LRPPRC: variants seen among roughly 807,000 people sequenced by gnomAD.
The protein encoded by LRPPRC is leucine-rich PPR motif-containing protein, mitochondrial.
Under a neutral mutation model 180.3 loss-of-function variants are expected in LRPPRC, and 120 were observed. The observed-to-expected ratio is 0.67, with a 90% CI of 0.57 to 0.77. The LOEUF is 0.77. LRPPRC is among the 30% of genes least tolerant of loss of function. The pLI, the probability that LRPPRC is intolerant of heterozygous loss-of-function variation, is 0.00. For missense variants in LRPPRC, 2,012 were observed against 1,657.2 expected (o/e 1.21, Z -3.72); for synonymous variants, 723 against 600.0 (o/e 1.21, Z -3.00).
At position 43,948,217 on chromosome 2, in the gene LRPPRC, A is replaced by C; in HGVS notation, c.1843-18T>G. 2 of 1,423,338 alleles carry C rather than the reference A, an allele frequency of 1.4e-6. No individual in the cohort carries two copies. The highest frequency in any genetic ancestry group is 2.0e-6 in the Non-Finnish European group (2 of 1,006,342). The allele number at this position is 1,423,338 out of a possible 1,614,324, so 88.2% of individuals were successfully genotyped here. On this transcript the variant is annotated intron_variant, in intron 17 of 37. Coordinates refer to ENST00000260665, the MANE Select transcript of LRPPRC (RefSeq NM_133259.4). ...TTTACATTCTGTGAGAAGGGAAGGGAGGGGGGAAAAAACCTGAGTTTTAGA... is the reference window on the plus strand; with the variant it reads ...TTTACATTCTGTGAGAAGGGAAGGGCGGGGGGAAAAAACCTGAGTTTTAGA...
At position 43,960,553 on chromosome 2, in the gene LRPPRC, C is replaced by A; in HGVS notation, c.1570G>T (p.Val524Leu). Residue 524 changes from valine to leucine, a missense_variant, in exon 13 of 38, where the codon GTA becomes TTA. Coordinates refer to ENST00000260665, the MANE Select transcript of LRPPRC (RefSeq NM_133259.4). ...GTTGTATACTTACAAAATGATAATACAAAGTCTAAGTTCCCATTTGCTGCT... is the reference window on the plus strand; with the variant it reads ...GTTGTATACTTACAAAATGATAATAAAAAGTCTAAGTTCCCATTTGCTGCT... ...SEAANGNLDF[V>L]LSFLKSNTLP... The A allele has an allele frequency of 6.4e-7, 1 of 1,570,124 alleles. No homozygotes were observed. The highest frequency in any genetic ancestry group is 1.7e-5 in the Admixed American group (1 of 59,944).
intron 36 of LRPPRC, among the ~76,000 whole-genome samples, chr2:43,893,225 T>C (rs1204896033): frequency 1.3e-5 from 2 of 152,242 alleles, no homozygotes; most frequent in Admixed American, 6.5e-5. Flanking sequence ...GTGAACACTG[T>C]TGAGATGACA....
chr2:43,912,576 C>CA lies in LRPPRC; in HGVS notation c.3149-19dup, dbSNP rs749296016. On this transcript the variant is annotated intron_variant, in intron 29 of 37. Coordinates refer to ENST00000260665, the MANE Select transcript of LRPPRC (RefSeq NM_133259.4). ...ATATGCCCCTATGAGAGAAAACAGACAAAAAAAATGAGATGACATTATTCT... is the reference window on the plus strand; with the variant it reads ...ATATGCCCCTATGAGAGAAAACAGACAAAAAAAAATGAGATGACATTATTCT... 1.9e-4 allele frequency: 296 copies of CA among 1,594,290 alleles called. No individual in the cohort carries two copies. The highest frequency in any genetic ancestry group is 2.7e-4 in the East Asian group (12 of 44,496).
intron 12 of LRPPRC, among the ~76,000 whole-genome samples, chr2:43,961,397 GC>G (rs373287072): frequency 4.1e-4 from 63 of 152,110 alleles, no homozygotes; most frequent in African/African-American, 1.4e-3. Flanking sequence ...TTAAACTATA[GC>G]CTCTGTCAAG....
chr2:43,902,729 A>G (rs577588020), intron 31 of LRPPRC: 11 of 152,290 alleles, frequency 7.2e-5, no homozygotes, highest in Admixed American at 3.9e-4. Context: ...ATTTATAATA[A>G]GCTTGATAAA....
At chr2:43,961,255 T>C (rs534418686) in intron 12 of LRPPRC, among the ~76,000 whole-genome samples, 3 of 152,188 alleles carry the variant, frequency 2.0e-5, no homozygotes, top group Non-Finnish European at 4.4e-5. Flanking sequence ...ATGAAACAAA[T>C]ATGAGAGAAG....
Position 43,975,111 on chromosome 2 carries a change from C to T in LRPPRC, c.844G>A (p.Asp282Asn), listed in dbSNP as rs1559043209. The change falls in exon 7 of 38, where the codon GAC becomes AAC. Residue 282 changes from aspartate to asparagine, a missense_variant. Asp to Asn is a conservative substitution (Grantham distance 23). Transcript: ENST00000260665. ...CATACCTGCTTAACATGGTCAATGT[C>T]GCCCTTCTCAGCATATGCATTCAAT... is the stretch of plus-strand genomic sequence containing the variant. ...ALLNAYAEKG[D>N]IDHVKQTLEK... 3 of 1,613,226 alleles carry T rather than the reference C, an allele frequency of 1.9e-6. No homozygotes were observed. The highest frequency in any genetic ancestry group is 2.5e-6 in the Non-Finnish European group (3 of 1,179,780).
Position 43,925,044 on chromosome 2 carries a change from TGAA to T in LRPPRC, c.2896+20_2896+22del, listed in dbSNP as rs766410334. On this transcript the variant is annotated intron_variant, in intron 27 of 37. Coordinates refer to ENST00000260665, the MANE Select transcript of LRPPRC (RefSeq NM_133259.4). The stretch of plus-strand genomic sequence containing the variant: ...GCCTTCAACAGAATAAATGAAAGCG[TGAA>T]GAATAGTTAAATCACTTACTATACA... The T allele has an allele frequency of 2.3e-6, 3 of 1,279,480 alleles. No individual in the cohort carries two copies. Among genetic ancestry groups the T allele is most frequent in the Admixed American group, 3.4e-5 (2 of 59,644 alleles). The allele number at this position is 1,279,480 out of a possible 1,614,324, so 79.3% of individuals were successfully genotyped here.
intron 34 of LRPPRC, among the ~76,000 whole-genome samples, chr2:43,898,956 T>C (rs1332579642): frequency 6.6e-6 from 1 of 152,090 alleles, no homozygotes; most frequent in Non-Finnish European, 1.5e-5. Flanking sequence ...CGCTGCCCCA[T>C]ACCTACCCCC....
intron 27 of LRPPRC, among the ~76,000 whole-genome samples, chr2:43,922,504 T>G (rs772310460): frequency 3.3e-5 from 5 of 152,182 alleles, no homozygotes; most frequent in Non-Finnish European, 5.9e-5. Flanking sequence ...AAATATGGAT[T>G]TTTAAAAAGC....
Position 43,979,898 on chromosome 2 carries a change from G to T in LRPPRC, c.397C>A (p.Leu133Ile). ...ALLLLRSCGS[L>I]LPELKLEERT... ...TCTTCAAGCTTTAGTTCAGGCAAGA[G>T]AGAACCACAACTACGTAGTAGAAGC... Residue 133 changes from leucine to isoleucine, a missense_variant, in exon 3 of 38, where the codon CTC becomes ATC. By Grantham distance (5) the Leu-to-Ile change is conservative. Transcript: ENST00000260665. The T allele has an allele frequency of 6.2e-7, 1 of 1,613,798 alleles. No individual in the cohort carries two copies. Among genetic ancestry groups the T allele is most frequent in the Non-Finnish European group, 8.5e-7 (1 of 1,179,768 alleles).
At chr2:43,934,146 G>A in intron 25 of LRPPRC, 44 bp downstream of exon 25, 1 of 1,086,560 alleles carries the variant, frequency 9.2e-7, no homozygotes, top group Non-Finnish European at 1.4e-6. Context: ...CTAATTAAGA[G>A]TCTAAATAGC....
intron 29 of LRPPRC, among the ~76,000 whole-genome samples, chr2:43,915,610 G>T (rs1671438837): frequency 6.6e-6 from 1 of 152,196 alleles, no homozygotes; most frequent in East Asian, 1.9e-4. Context: ...CTTGAACCTG[G>T]GAAGTGGAGG....
intron 22 of LRPPRC, 54 bp from the exon 23 acceptor site, chr2:43,943,948 A>G: frequency 7.8e-7 from 1 of 1,289,906 alleles, no homozygotes; most frequent in Non-Finnish European, 1.1e-6. Context: ...GGGAAAACAA[A>G]CTGCTATTAA....
intron 30 of LRPPRC, among the ~76,000 whole-genome samples, chr2:43,908,278 T>C (rs547554269): frequency 6.6e-6 from 1 of 152,328 alleles, no homozygotes; most frequent in South Asian, 2.1e-4. Flanking sequence ...GAATCAGTGG[T>C]TTCCCTCCCT....
intron 16 of LRPPRC, 92 bp from the exon 17 acceptor site, chr2:43,948,610 G>A (rs765110549): frequency 7.0e-5 from 53 of 752,924 alleles, no homozygotes; most frequent in Non-Finnish European, 1.2e-4. Context: ...TTTGGTGTGA[G>A]ATGTCACCCT....
At chr2:43,947,992 CT>C in intron 18 of LRPPRC, 129 bp downstream of exon 18, 1 of 697,426 alleles carries the variant, frequency 1.4e-6, no homozygotes, top group Non-Finnish European at 2.5e-6. Context: ...CAATGAAAAG[CT>C]TCGTTTTAAT....
Position 43,925,175 on chromosome 2 carries a change from GAGAT to G in LRPPRC, c.2806-22_2806-19del. 8.5e-7 allele frequency: 1 copy of G among 1,179,268 alleles called. No homozygotes were observed. The highest frequency in any genetic ancestry group is 1.3e-6 in the Non-Finnish European group (1 of 783,178). 73.1% of individuals were successfully genotyped at this position (1,179,268 alleles called of 1,614,324 possible). ...GTTTCAACCTTAAAAGTAAGATTAA[GAGAT>G]AGATCTACCTTGTGTAAAGGATGTA... On this transcript the variant is annotated intron_variant, in intron 26 of 37. Transcript: ENST00000260665.
chr2:43,908,683 G>A (rs574424675), intron 30 of LRPPRC, among the ~76,000 whole-genome samples: 5 of 151,884 alleles, frequency 3.3e-5, no homozygotes, highest in Non-Finnish European at 5.9e-5. Flanking sequence ...GCACCACCAC[G>A]CCTGACTAAT....
Sources: gnomAD v4.1 joint callset for allele counts (sites outside exome capture counted in the v4.1 genomes callset) on GRCh38, gnomAD v4.1.1 for gene constraint, MANE v1.5 for transcripts, NCBI Gene and HGNC (gene_info 2026-07-23, HGNC 2026-07-21) for gene names.